ABCB1: variants seen among roughly 807,000 people sequenced by gnomAD.
The protein encoded by ABCB1 is ATP-dependent translocase ABCB1.
In ABCB1, 69 loss-of-function variants were observed where a neutral mutation model predicts 142.0. That is an observed-to-expected ratio of 0.49 (90% confidence interval 0.40 to 0.59). ABCB1 has a LOEUF of 0.59. Among genes scored for constraint, ABCB1 ranks in the 20% least tolerant of loss-of-function variants. The pLI is 0.00. For missense variants in ABCB1, 1,326 were observed against 1,554.7 expected (o/e 0.85, Z 2.47); for synonymous variants, 532 against 539.2 (o/e 0.99, Z 0.18).
chr7:87,584,835 A>C lies in ABCB1; in HGVS notation c.286+677T>G, dbSNP rs1584901654. ...CTGGATTCCATTTTTTCTCAAGGAT[A>C]TCACTCAGCAAATCTCTTCCATCTT... On this transcript the variant is annotated intron_variant, in intron 4 of 27. Coordinates refer to ENST00000622132, the MANE Select transcript of ABCB1 (RefSeq NM_001348946.2). 1.3e-5 allele frequency among the ~76,000 whole-genome samples: 2 copies of C among 152,050 alleles called. No individual in the cohort carries two copies. Among genetic ancestry groups the C allele is most frequent in the Admixed American group, 1.3e-4 (2 of 15,268 alleles).
At chr7:87,505,663 G>A (rs1169922247) in intron 27 of ABCB1, among the ~76,000 whole-genome samples, 3 of 152,172 alleles carry the variant, frequency 2.0e-5, no homozygotes, top group Non-Finnish European at 1.5e-5. Context: ...AGCTTCTTAG[G>A]TCAACGCAAA....
intron 1 of ABCB1, among the ~76,000 whole-genome samples, chr7:87,700,090 C>T (rs1828886384): frequency 6.6e-6 from 1 of 151,736 alleles, no homozygotes. Context: ...AGGAAGGTTC[C>T]CGTGTGCTAT....
intron 1 of ABCB1, among the ~76,000 whole-genome samples, chr7:87,674,174 T>C (rs552854638): frequency 2.0e-5 from 3 of 152,320 alleles, no homozygotes; most frequent in Admixed American, 1.3e-4. Context: ...GCAGTGGGAT[T>C]CATGCTCCTT....
intron 4 of ABCB1, among the ~76,000 whole-genome samples, chr7:87,572,155 G>T (rs139984833): frequency 6.7e-6 from 1 of 149,926 alleles, no homozygotes; most frequent in East Asian, 1.9e-4. Context: ...TCTTGGGAAA[G>T]CTTACATTAT....
At chr7:87,647,810 A>G (rs377370990) in intron 1 of ABCB1, among the ~76,000 whole-genome samples, 14 of 152,316 alleles carry the variant, frequency 9.2e-5, no homozygotes, top group East Asian at 5.8e-4. Context: ...TCTGTCTAGG[A>G]TTTGTCCCTA....
chr7:87,628,261 G>T (rs1820801674), intron 1 of ABCB1, among the ~76,000 whole-genome samples: 1 of 152,180 alleles, frequency 6.6e-6, no homozygotes. Flanking sequence ...GCGTCGGGGC[G>T]GGGCTTGAGC....
intron 1 of ABCB1, among the ~76,000 whole-genome samples, chr7:87,685,486 T>A (rs1191251119): frequency 6.6e-6 from 1 of 151,716 alleles, no homozygotes; most frequent in Non-Finnish European, 1.5e-5. Flanking sequence ...GTTCATACAC[T>A]GGACAAACTC....
chr7:87,687,377 T>C (rs760663616), intron 1 of ABCB1, among the ~76,000 whole-genome samples: 1 of 152,170 alleles, frequency 6.6e-6, no homozygotes, highest in Non-Finnish European at 1.5e-5. Flanking sequence ...ACCCTTCCAC[T>C]ATATTTTAAA....
At chr7:87,530,371 G>T (rs1354644828) in intron 21 of ABCB1, among the ~76,000 whole-genome samples, 1 of 152,118 alleles carries the variant, frequency 6.6e-6, no homozygotes, top group Non-Finnish European at 1.5e-5. Flanking sequence ...CAACTTTGGA[G>T]CACAACTGTC....
chr7:87,687,196 C>T (rs1292347383), intron 1 of ABCB1, among the ~76,000 whole-genome samples: 1 of 152,092 alleles, frequency 6.6e-6, no homozygotes, highest in African/African-American at 2.4e-5. Flanking sequence ...TTTTCCCCCA[C>T]AACTTACTGT....
chr7:87,525,290 A>T (rs1228207642), intron 21 of ABCB1, among the ~76,000 whole-genome samples: 1 of 152,180 alleles, frequency 6.6e-6, no homozygotes. Context: ...TTCTAGAAAG[A>T]AAAAATAGCC....
intron 17 of ABCB1, among the ~76,000 whole-genome samples, chr7:87,541,878 G>C (rs947577630): frequency 6.6e-6 from 1 of 152,166 alleles, no homozygotes; most frequent in Non-Finnish European, 1.5e-5. Flanking sequence ...ACCACAGAGT[G>C]GTGGTCATTC....
At chr7:87,508,250 G>A (rs1444534145) in intron 26 of ABCB1, among the ~76,000 whole-genome samples, 3 of 152,152 alleles carry the variant, frequency 2.0e-5, no homozygotes, top group African/African-American at 7.2e-5. Context: ...GATGCCACAA[G>A]TGGAAAATTT....
At chr7:87,605,294 A>T (rs1472405717), upstream of ABCB1, among the ~76,000 whole-genome samples, 2 of 152,118 alleles carry the variant, frequency 1.3e-5, no homozygotes, top group Non-Finnish European at 2.9e-5. Flanking sequence ...CCAGCACACC[A>T]GGCTAATTTT....
chr7:87,539,883 T>C (rs1346559265), intron 18 of ABCB1, among the ~76,000 whole-genome samples: 1 of 152,178 alleles, frequency 6.6e-6, no homozygotes, highest in Non-Finnish European at 1.5e-5. Context: ...ATCGTCAACA[T>C]TTAAGGGACC....
chr7:87,662,118 G>GTTGT (rs1824771971), intron 1 of ABCB1, among the ~76,000 whole-genome samples: 1 of 151,952 alleles, frequency 6.6e-6, no homozygotes, highest in Admixed American at 6.6e-5. Context: ...TTCCTGTAGA[G>GTTGT]TTGTTTGAGC....
At chr7:87,699,116 C>T (rs560832431) in intron 1 of ABCB1, among the ~76,000 whole-genome samples, 1 of 152,268 alleles carries the variant, frequency 6.6e-6, no homozygotes, top group South Asian at 2.1e-4. Context: ...GATATTATCT[C>T]AGACATTGGT....
chr7:87,629,055 C>T, intron 1 of ABCB1: 1 of 1,076,688 alleles, frequency 9.3e-7, no homozygotes, highest in Non-Finnish European at 1.2e-6. Context: ...GCCCAGTGCC[C>T]CCGCCTATGT....
At chr7:87,540,490 G>GAGTGC in intron 18 of ABCB1, among the ~76,000 whole-genome samples, 1 of 152,206 alleles carries the variant, frequency 6.6e-6, no homozygotes, top group Non-Finnish European at 1.5e-5. Context: ...GCCCAGGCTG[G>GAGTGC]AGTGCAGTGG....
Sources: gnomAD v4.1 joint callset for allele counts (sites outside exome capture counted in the v4.1 genomes callset) on GRCh38, gnomAD v4.1.1 for gene constraint, MANE v1.5 for transcripts, NCBI Gene and HGNC (gene_info 2026-07-23, HGNC 2026-07-21) for gene names.